RBFOX1: variants seen among roughly 807,000 people sequenced by gnomAD.
RBFOX1 encodes RNA binding protein fox-1 homolog 1.
RBFOX1 carries 8 observed loss-of-function variants against 57.7 expected under a neutral mutation model. The observed-to-expected ratio is 0.14, with a 90% CI of 0.08 to 0.25. The LOEUF is 0.25. Ranked by LOEUF, RBFOX1 falls within the 10% of genes least tolerant of loss-of-function variation. The pLI is 1.00. For synonymous variants in RBFOX1, 326 were observed against 222.4 expected, an observed-to-expected ratio of 1.47 and a Z score of -4.15; for missense variants, 611 against 548.5, an observed-to-expected ratio of 1.11 and a Z score of -1.14.
intron 2 of RBFOX1, among the ~76,000 whole-genome samples, chr16:5,470,947 G>T (rs1359098366): frequency 6.6e-6 from 1 of 152,160 alleles, no homozygotes; most frequent in Non-Finnish European, 1.5e-5. Context: ...CGCATCCTGG[G>T]TTCAAGCGAT....
At chr16:5,286,095 T>C (rs2063388117) in intron 1 of RBFOX1, among the ~76,000 whole-genome samples, 1 of 152,040 alleles carries the variant, frequency 6.6e-6, no homozygotes, top group East Asian at 1.9e-4. Context: ...TTGGAGGCTG[T>C]TGTGAGGTTT....
At chr16:7,179,356 G>T (rs189140889) in intron 4 of RBFOX1, among the ~76,000 whole-genome samples, 104 of 152,154 alleles carry the variant, frequency 6.8e-4, no homozygotes, top group Middle Eastern at 3.4e-3. Flanking sequence ...TTACCTAAGA[G>T]AACATAATTC....
intron 1 of RBFOX1, among the ~76,000 whole-genome samples, chr16:6,069,598 C>T (rs2095810711): frequency 6.6e-6 from 1 of 152,072 alleles, no homozygotes. Flanking sequence ...ATTTCAAGGT[C>T]ATATAAACCT....
chr16:7,394,466 C>T (rs948673263), intron 4 of RBFOX1, among the ~76,000 whole-genome samples: 2 of 151,972 alleles, frequency 1.3e-5, no homozygotes, highest in African/African-American at 2.4e-5. Flanking sequence ...ATTAAGGAAA[C>T]CTCGAAAGGG....
At chr16:5,720,796 G>C (rs1205805814) in intron 3 of RBFOX1, among the ~76,000 whole-genome samples, 2 of 152,176 alleles carry the variant, frequency 1.3e-5, no homozygotes, top group African/African-American at 4.8e-5. Flanking sequence ...GTATATATAA[G>C]TTCTTAGGCT....
intron 1 of RBFOX1, among the ~76,000 whole-genome samples, chr16:6,036,498 C>A (rs1183677077): frequency 6.6e-6 from 1 of 151,986 alleles, no homozygotes; most frequent in Non-Finnish European, 1.5e-5. Context: ...AACCTATATG[C>A]AAATACCTAT....
rs142840125 is a variant in RBFOX1 at position 5,575,444 on chromosome 16, C to G, written c.259-23458C>G. 1.6e-3 allele frequency among the ~76,000 whole-genome samples: 241 copies of G among 152,290 alleles called. 1 individual carries two copies. Among genetic ancestry groups the G allele is most frequent in the Non-Finnish European group, 2.6e-4 (18 of 68,026 alleles). Reference sequence around the variant, plus strand: ...TATGTCAGGCAGGTTCAACTTTTGTCATTTTATGGATGATACACCAAGAAT... The same window carrying G: ...TATGTCAGGCAGGTTCAACTTTTGTGATTTTATGGATGATACACCAAGAAT... On this transcript the variant is annotated intron_variant, in intron 2 of 2. Coordinates refer to the RBFOX1 transcript ENST00000585867.
chr16:6,032,378 A>AT (rs1555479992), intron 1 of RBFOX1, among the ~76,000 whole-genome samples: 1 of 13,950 alleles, frequency 7.2e-5, no homozygotes, highest in East Asian at 6.9e-4. Context: ...TCTTCTACTT[A>AT]TTAAAAAAAT....
At chr16:7,067,734 G>A (rs1179360989) in intron 4 of RBFOX1, among the ~76,000 whole-genome samples, 2 of 131,864 alleles carry the variant, frequency 1.5e-5, no homozygotes, top group Admixed American at 1.8e-4. Context: ...CCCTTCCTGT[G>A]TCCATGTGTT....
chr16:6,727,050 A>AACACACACACACACACACACAC (rs71408406), intron 3 of RBFOX1, among the ~76,000 whole-genome samples: 25,555 of 135,262 alleles, frequency 0.19, 3,109 homozygotes, highest in Non-Finnish European at 0.23. Context: ...ATTTGGACTG[A>AACACACACACACACACACACAC]ACACACACAC....
At chr16:5,588,371 A>G (rs1217859560) in intron 2 of RBFOX1, among the ~76,000 whole-genome samples, 7 of 150,200 alleles carry the variant, frequency 4.7e-5, no homozygotes, top group African/African-American at 9.7e-5. Context: ...TAAAGTTTGG[A>G]AAAAAAAATG....
At chr16:7,061,537 C>A (rs1028566322) in intron 4 of RBFOX1, among the ~76,000 whole-genome samples, 1 of 151,970 alleles carries the variant, frequency 6.6e-6, no homozygotes, top group Non-Finnish European at 1.5e-5. Context: ...TTTGAGTCTC[C>A]CCAGGCATTT....
chr16:5,536,666 C>T (rs2044710170), intron 2 of RBFOX1, among the ~76,000 whole-genome samples: 1 of 152,078 alleles, frequency 6.6e-6, no homozygotes, highest in Admixed American at 6.5e-5. Context: ...TCGGTCCCCA[C>T]TCCCATAACA....
At chr16:7,295,837 A>G (rs1031702767) in intron 4 of RBFOX1, among the ~76,000 whole-genome samples, 1 of 152,170 alleles carries the variant, frequency 6.6e-6, no homozygotes, top group Non-Finnish European at 1.5e-5. Flanking sequence ...TGGTGATCCA[A>G]CAAATTCAAT....
chr16:6,106,906 C>T (rs1005128486), intron 1 of RBFOX1, among the ~76,000 whole-genome samples: 8 of 152,022 alleles, frequency 5.3e-5, no homozygotes, highest in African/African-American at 9.7e-5. Flanking sequence ...CTCCTGACCT[C>T]GTGATCTGCC....
At chr16:6,976,197 C>G (rs149228109) in intron 3 of RBFOX1, among the ~76,000 whole-genome samples, 1 of 152,084 alleles carries the variant, frequency 6.6e-6, no homozygotes, top group Non-Finnish European at 1.5e-5. Flanking sequence ...ACAGGAGTTA[C>G]AAGAGTTCTT....
At chr16:7,233,335 C>T (rs1037453205) in intron 4 of RBFOX1, among the ~76,000 whole-genome samples, 1 of 151,850 alleles carries the variant, frequency 6.6e-6, no homozygotes, top group Non-Finnish European at 1.5e-5. Flanking sequence ...TATCCCAGCT[C>T]TTCTATATTC....
At chr16:7,655,113 A>T (rs913237787) in intron 12 of RBFOX1, among the ~76,000 whole-genome samples, 3 of 152,224 alleles carry the variant, frequency 2.0e-5, no homozygotes, top group Non-Finnish European at 4.4e-5. Context: ...AATCTACATT[A>T]GCCTAGATCA....
At chr16:5,331,188 A>G (rs2064745513) in intron 1 of RBFOX1, among the ~76,000 whole-genome samples, 1 of 152,136 alleles carries the variant, frequency 6.6e-6, no homozygotes, top group Admixed American at 6.5e-5. Context: ...GGAATTGGAC[A>G]TTGGTTATTT....
Sources: gnomAD v4.1 joint callset for allele counts (sites outside exome capture counted in the v4.1 genomes callset) on GRCh38, gnomAD v4.1.1 for gene constraint, MANE v1.5 for transcripts, NCBI Gene and HGNC (gene_info 2026-07-23, HGNC 2026-07-21) for gene names.